Variants in NFATC3 observed in about 807,000 individuals in gnomAD.
The protein encoded by NFATC3 is nuclear factor of activated T-cells, cytoplasmic 3.
Under a neutral mutation model 98.6 loss-of-function variants are expected in NFATC3, and 46 were observed. The observed-to-expected ratio is 0.47, with a 90% CI of 0.37 to 0.60. The LOEUF (loss-of-function observed/expected upper bound fraction) is 0.60. NFATC3 is among the 20% of genes least tolerant of loss of function. The pLI is 0.00. For missense variants in NFATC3, 1,256 were observed against 1,295.5 expected (o/e 0.97, Z 0.47); for synonymous variants, 512 against 472.2 (o/e 1.08, Z -1.09).
intron 3 of NFATC3, among the ~76,000 whole-genome samples, chr16:68,140,617 A>G (rs1040067624): frequency 6.6e-6 from 1 of 152,100 alleles, no homozygotes; most frequent in Non-Finnish European, 1.5e-5. Flanking sequence ...TAAACCTTAT[A>G]TCTTATAAAA....
At chr16:68,090,593 C>G (rs1416283188) in intron 1 of NFATC3, among the ~76,000 whole-genome samples, 1 of 152,096 alleles carries the variant, frequency 6.6e-6, no homozygotes, top group Non-Finnish European at 1.5e-5. Flanking sequence ...TATATTTTAT[C>G]AAATACTGAA....
chr16:68,125,599 A>G (rs1480887613), intron 2 of NFATC3, among the ~76,000 whole-genome samples: 3 of 152,136 alleles, frequency 2.0e-5, no homozygotes, highest in Admixed American at 2.0e-4. Flanking sequence ...GAAGTGCGGG[A>G]AGTGATAACT....
At chr16:68,086,544 A>G in intron 1 of NFATC3, 1 of 622,098 alleles carries the variant, frequency 1.6e-6, no homozygotes, top group Non-Finnish European at 2.0e-6. Flanking sequence ...ACCAATCAGG[A>G]AATAGAAACA....
chr16:68,188,025 C>T (rs958261691), intron 8 of NFATC3, among the ~76,000 whole-genome samples: 3 of 152,182 alleles, frequency 2.0e-5, no homozygotes, highest in African/African-American at 7.2e-5. Context: ...CGACCTCCCT[C>T]CCATGCTCAT....
At chr16:68,093,140 T>C (rs1343755890) in intron 1 of NFATC3, among the ~76,000 whole-genome samples, 2 of 152,214 alleles carry the variant, frequency 1.3e-5, no homozygotes, top group East Asian at 3.8e-4. Flanking sequence ...TCATCTCTTT[T>C]CAGTCCCAGT....
chr16:68,190,048 A>C (rs941038220), intron 8 of NFATC3, among the ~76,000 whole-genome samples: 1 of 152,246 alleles, frequency 6.6e-6, no homozygotes, highest in Non-Finnish European at 1.5e-5. Flanking sequence ...CCCAAAAACA[A>C]AAAAAAGAAA....
intron 5 of NFATC3, among the ~76,000 whole-genome samples, chr16:68,168,474 A>T (rs201565771): frequency 1.0e-5 from 1 of 99,154 alleles, no homozygotes; most frequent in African/African-American, 4.8e-5. Context: ...GTATTCTTTT[A>T]TTATTATTAT....
At chr16:68,180,662 C>A (rs1193822754) in intron 6 of NFATC3, among the ~76,000 whole-genome samples, 1 of 152,262 alleles carries the variant, frequency 6.6e-6, no homozygotes, top group South Asian at 2.1e-4. Context: ...TCCCCCACCC[C>A]ACGACAGGCC....
intron 1 of NFATC3, among the ~76,000 whole-genome samples, chr16:68,100,088 TGG>T (rs1455435901): frequency 2.0e-5 from 3 of 152,226 alleles, no homozygotes; most frequent in Non-Finnish European, 4.4e-5. Flanking sequence ...TTCCATCATA[TGG>T]ATGTACTACA....
rs2034312232 is a variant in NFATC3, at chr16:68,085,448, G to C, written c.-234G>C. The C allele has an allele frequency of 2.5e-6, 1 of 406,476 alleles. No individual in the cohort carries two copies. Among genetic ancestry groups the C allele is most frequent in the Non-Finnish European group, 4.4e-6 (1 of 226,624 alleles). 25.2% of individuals were successfully genotyped at this position (406,476 alleles called of 1,614,324 possible). A position where few individuals can be genotyped will look rare whatever the true frequency, so the allele number is the denominator to read the frequency against. ...GGGGAACATTGGCTAAGCCGACAGT[G>C]GAGGCTTAGGCACCGGTGGCGGGCG... On this transcript the variant is annotated 5_prime_UTR_variant, in exon 1 of 10. Transcript: ENST00000346183.
chr16:68,185,453 A>G (rs920319442), intron 8 of NFATC3, among the ~76,000 whole-genome samples: 1 of 152,148 alleles, frequency 6.6e-6, no homozygotes, highest in Non-Finnish European at 1.5e-5. Context: ...TACTGTTGAG[A>G]TGAGGGATTG....
intron 1 of NFATC3, among the ~76,000 whole-genome samples, chr16:68,113,573 G>C (rs758705827): frequency 1.3e-5 from 2 of 152,222 alleles, no homozygotes; most frequent in African/African-American, 4.8e-5. Flanking sequence ...GGAGGGATGG[G>C]ATCAGGAACC....
At chr16:68,100,346 G>A (rs1420625469) in intron 1 of NFATC3, among the ~76,000 whole-genome samples, 1 of 152,120 alleles carries the variant, frequency 6.6e-6, no homozygotes, top group Non-Finnish European at 1.5e-5. Context: ...GCCGAGGTAG[G>A]CAGATCACTT....
chr16:68,106,374 C>T (rs930586501), intron 1 of NFATC3, among the ~76,000 whole-genome samples: 1 of 151,616 alleles, frequency 6.6e-6, no homozygotes, highest in East Asian at 1.9e-4. Context: ...CTCACTGCAC[C>T]TCCACCTCCT....
At chr16:68,224,611 T>G (rs1013535791) in intron 9 of NFATC3, 1 of 141,022 alleles carries the variant, frequency 7.1e-6, no homozygotes, top group Admixed American at 7.3e-5. Context: ...GGAGTCTTGC[T>G]CTGTCTCCCT....
Position 68,207,005 on chromosome 16 carries a change from T to TA in NFATC3, c.3106+15249dup, listed in dbSNP as rs559629801. Among the ~76,000 whole-genome samples the TA allele has an allele frequency of 9.1e-3, 1,012 of 111,270 alleles. 8 individuals are homozygous for TA. The highest frequency in any genetic ancestry group is 0.04 in the South Asian group (146 of 3,664). 73.0% of individuals were successfully genotyped at this position (111,270 alleles called of 152,430 possible). ...AAAAAGTTGATGAACGCATACATAT[T>TA]AAAAAAAAAAAAAAAAAAAGATGGA... On this transcript the variant is annotated intron_variant, in intron 9 of 9. Transcript: ENST00000346183.
chr16:68,160,080 C>A (rs2038820093), intron 4 of NFATC3, among the ~76,000 whole-genome samples: 1 of 151,840 alleles, frequency 6.6e-6, no homozygotes, highest in South Asian at 2.1e-4. Flanking sequence ...GAAAAAGAAA[C>A]CCCAAAAAAT....
intron 3 of NFATC3, among the ~76,000 whole-genome samples, chr16:68,136,068 A>C (rs960769614): frequency 9.2e-5 from 14 of 152,284 alleles, no homozygotes; most frequent in African/African-American, 3.1e-4. Flanking sequence ...TCCATCTCAA[A>C]AAAAAAGAAG....
intron 4 of NFATC3, among the ~76,000 whole-genome samples, chr16:68,165,960 TTAATAA>T (rs1320217296): frequency 6.6e-6 from 1 of 152,266 alleles, no homozygotes; most frequent in African/African-American, 2.4e-5. Context: ...ACAGTCATAC[TTAATAA>T]TAAAGTTAGC....
Sources: allele counts gnomAD v4.1 joint callset (sites outside exome capture counted in the v4.1 genomes callset), GRCh38; gene constraint gnomAD v4.1.1; transcripts MANE v1.5; gene names NCBI Gene and HGNC (gene_info 2026-07-23, HGNC 2026-07-21).